Variants in DLG1 observed in about 807,000 individuals in gnomAD.
The protein encoded by DLG1 is disks large homolog 1.
DLG1 carries 42 observed loss-of-function variants against 123.4 expected under a neutral mutation model. The ratio of observed to expected loss-of-function variants is 0.34; its 90% CI spans 0.27 to 0.44. DLG1 has a LOEUF of 0.44. DLG1 is among the 20% of genes least tolerant of loss of function. The probability of loss-of-function intolerance (pLI) is 1.00; values close to 1 mark genes in which losing one functional copy is unlikely to be tolerated. For missense variants in DLG1, 942 were observed against 1,082.6 expected, an observed-to-expected ratio of 0.87 and a Z score of 1.82; for synonymous variants, 317 against 356.2, an observed-to-expected ratio of 0.89 and a Z score of 1.24.
chr3:197,294,276 T>C (rs1393519849), intron 3 of DLG1, among the ~76,000 whole-genome samples: 1 of 152,142 alleles, frequency 6.6e-6, no homozygotes, highest in African/African-American at 2.4e-5. Context: ...ACATTAAATA[T>C]AAGTAAATTT....
At chr3:197,050,934 T>C (rs926602737) in intron 24 of DLG1, among the ~76,000 whole-genome samples, 1 of 152,188 alleles carries the variant, frequency 6.6e-6, no homozygotes, top group Non-Finnish European at 1.5e-5. Flanking sequence ...TCAACATGGC[T>C]AGAGAAAATG....
At chr3:197,103,733 A>C (rs935912498) in intron 14 of DLG1, among the ~76,000 whole-genome samples, 1 of 150,136 alleles carries the variant, frequency 6.7e-6, no homozygotes, top group African/African-American at 2.5e-5. Context: ...CAGCTAAAAA[A>C]CATACTAGAT....
chr3:197,130,725 T>C, intron 10 of DLG1, 54 bp from the exon 11 acceptor site: 1 of 1,389,592 alleles, frequency 7.2e-7, no homozygotes, highest in African/African-American at 1.4e-5. Flanking sequence ...CTCTGAGTTT[T>C]GGAAACAATT....
intron 9 of DLG1, among the ~76,000 whole-genome samples, chr3:197,136,927 T>C (rs749625174): frequency 4.6e-5 from 7 of 152,248 alleles, no homozygotes; most frequent in Non-Finnish European, 8.8e-5. Flanking sequence ...GCAAATGCAC[T>C]TGTTATTCCA....
intron 5 of DLG1, among the ~76,000 whole-genome samples, chr3:197,166,406 T>C (rs1457160473): frequency 6.6e-6 from 1 of 152,114 alleles, no homozygotes; most frequent in South Asian, 2.1e-4. Context: ...ACACTAAAAT[T>C]GGAGGTATTG....
chr3:197,285,915 C>T (rs1256861960), intron 3 of DLG1, among the ~76,000 whole-genome samples: 1 of 152,192 alleles, frequency 6.6e-6, no homozygotes, highest in African/African-American at 2.4e-5. Context: ...CAACTCAAGA[C>T]CCTGCACACA....
At chr3:197,172,439 A>G (rs1448348326) in intron 5 of DLG1, among the ~76,000 whole-genome samples, 1 of 152,124 alleles carries the variant, frequency 6.6e-6, no homozygotes, top group Non-Finnish European at 1.5e-5. Flanking sequence ...TTGGATAATT[A>G]TATTTATTAT....
At chr3:197,100,022 C>T (rs547941945) in intron 14 of DLG1, among the ~76,000 whole-genome samples, 14 of 152,230 alleles carry the variant, frequency 9.2e-5, no homozygotes, top group African/African-American at 2.6e-4. Context: ...ACAGCACGTG[C>T]GTAAGTGGAC....
chr3:197,289,083 TCAAA>T (rs1773530038), intron 3 of DLG1, among the ~76,000 whole-genome samples: 2 of 152,124 alleles, frequency 1.3e-5, no homozygotes, highest in African/African-American at 2.4e-5. Flanking sequence ...GTACAAGAAG[TCAAA>T]CAAGCCAGTT....
At chr3:197,177,888 C>A (rs1048995364) in intron 5 of DLG1, among the ~76,000 whole-genome samples, 1 of 152,000 alleles carries the variant, frequency 6.6e-6, no homozygotes, top group African/African-American at 2.4e-5. Flanking sequence ...AAGTGTGATG[C>A]GCGCTTCACA....
chr3:197,045,137 G>A (rs1445171601), intron 24 of DLG1, among the ~76,000 whole-genome samples: 3 of 151,820 alleles, frequency 2.0e-5, no homozygotes, highest in Non-Finnish European at 4.4e-5. Flanking sequence ...AGGATCTTGG[G>A]GGAAAAGAGC....
At chr3:197,259,187 C>T (rs1022050450) in intron 4 of DLG1, among the ~76,000 whole-genome samples, 2 of 152,092 alleles carry the variant, frequency 1.3e-5, no homozygotes, top group South Asian at 2.1e-4. Context: ...AAAGCAACAA[C>T]GACCCTGTTT....
rs558263460 is a variant in DLG1 at position 197,057,901 on chromosome 3, C to G, written c.2483+1988G>C. Among the ~76,000 whole-genome samples, 3 of 152,050 alleles carry G rather than the reference C, an allele frequency of 2.0e-5. No homozygotes were observed. The East Asian group carries it at 5.8e-4, about 29-fold the overall frequency. ...GAACACTTTTGGCTTTGTTGATCCT[C>G]TTTATCATATGTTTGTTTTTTCTAT... is the stretch of plus-strand genomic sequence containing the variant. On this transcript the variant is annotated intron_variant, in intron 23 of 24. Coordinates refer to ENST00000667157, the MANE Select transcript of DLG1 (RefSeq NM_001366207.1).
At chr3:197,060,310 A>C (rs1734906356) in intron 22 of DLG1, among the ~76,000 whole-genome samples, 2 of 152,086 alleles carry the variant, frequency 1.3e-5, no homozygotes. Context: ...CTTTTTTTAA[A>C]ATTTAAGGGA....
Position 197,065,783 on chromosome 3 carries a change from A to T in DLG1, c.2125T>A (p.Leu709Met). The T allele has an allele frequency of 6.2e-7, 1 of 1,606,808 alleles. No individual in the cohort carries two copies. The highest frequency in any genetic ancestry group is 1.1e-5 in the South Asian group (1 of 90,354). Residue 709 changes from leucine to methionine, a missense_variant, in exon 21 of 25, where the codon TTG (leucine) becomes ATG (methionine). Leu to Met is a conservative substitution (Grantham distance 15, BLOSUM62 2). Coordinates refer to ENST00000667157, the MANE Select transcript of DLG1 (RefSeq NM_001366207.1). ...EVNYTRPVII[L>M]GPMKDRINDD... ...TTTATCCTGTCTTTCATAGGTCCCA[A>T]TATGATCACTGGTCGAGTATAATTA...
Position 197,253,852 on chromosome 3 carries a change from G to GATTTCTGC in DLG1, c.318+28819_318+28826dup, listed in dbSNP as rs551744371. ...AGGAAACTGGGTTAAAGGCACATGT[G>GATTTCTGC]ATTTCTGCATTATTATTATTTTTTT... On this transcript the variant is annotated intron_variant, in intron 4 of 24. Coordinates refer to ENST00000667157, the MANE Select transcript of DLG1 (RefSeq NM_001366207.1). Among the ~76,000 whole-genome samples the GATTTCTGC allele has an allele frequency of 3.8e-3, 574 of 151,734 alleles. 3 individuals carry two copies. Among genetic ancestry groups the GATTTCTGC allele is most frequent in the Middle Eastern group, 6.8e-3 (2 of 294 alleles).
intron 5 of DLG1, among the ~76,000 whole-genome samples, chr3:197,188,749 T>C (rs1717556930): frequency 6.6e-6 from 1 of 152,234 alleles, no homozygotes; most frequent in African/African-American, 2.4e-5. Flanking sequence ...AAGAGACTAC[T>C]AGTCTAATAC....
intron 14 of DLG1, among the ~76,000 whole-genome samples, chr3:197,091,912 T>G (rs919979071): frequency 6.6e-6 from 1 of 152,296 alleles, no homozygotes; most frequent in East Asian, 1.9e-4. Context: ...ATGATTATTG[T>G]TGAGTTACTC....
chr3:197,104,850 G>A (rs1344906596), intron 14 of DLG1, 53 bp downstream of exon 14: 2 of 1,261,262 alleles, frequency 1.6e-6, no homozygotes, highest in African/African-American at 3.0e-5. Context: ...TAAAGAGGAA[G>A]AATTTTAAAA....
Sources: gnomAD v4.1 joint callset for allele counts (sites outside exome capture counted in the v4.1 genomes callset) on GRCh38, gnomAD v4.1.1 for gene constraint, MANE v1.5 for transcripts, NCBI Gene and HGNC (gene_info 2026-07-23, HGNC 2026-07-21) for gene names.